The following RPS6KC1 variants were observed in gnomAD, a reference collection of about 807,000 sequenced individuals.
RPS6KC1 encodes the protein inactive ribosomal protein S6 kinase delta-1.
In RPS6KC1, 54 loss-of-function variants were observed where a neutral mutation model predicts 103.8. That is an observed-to-expected ratio of 0.52 (90% CI 0.42 to 0.65). The LOEUF is 0.65. Ranked by LOEUF, RPS6KC1 falls within the 30% of genes least tolerant of loss-of-function variation. The pLI, the probability that RPS6KC1 is intolerant of heterozygous loss-of-function variation, is 0.00. For synonymous variants in RPS6KC1, 439 were observed against 438.7 expected, an observed-to-expected ratio of 1.00 and a Z score of -0.01; for missense variants, 1,151 against 1,253.8, an observed-to-expected ratio of 0.92 and a Z score of 1.24.
chr1:213,408,587 C>T, the RPS6KC1 span, among the ~76,000 whole-genome samples: 17 of 152,266 alleles, frequency 1.1e-4, no homozygotes, highest in South Asian at 1.0e-3. Context: ...CTCAAGACTG[C>T]GGCACCAACT....
chr1:213,405,242 G>T, the RPS6KC1 span, among the ~76,000 whole-genome samples: 1 of 152,234 alleles, frequency 6.6e-6, no homozygotes, highest in South Asian at 2.1e-4. Context: ...TAGGCATTGG[G>T]ATACGGAGGA....
At chr1:213,214,082 G>A (rs1017738066) in intron 8 of RPS6KC1, among the ~76,000 whole-genome samples, 3 of 150,138 alleles carry the variant, frequency 2.0e-5, no homozygotes, top group Non-Finnish European at 4.4e-5. Context: ...GCGAGGCATC[G>A]CCTCACCTGG....
the RPS6KC1 span, among the ~76,000 whole-genome samples, chr1:213,354,229 G>A: frequency 6.6e-6 from 1 of 152,186 alleles, no homozygotes; most frequent in Non-Finnish European, 1.5e-5. Flanking sequence ...TCATGTAGAC[G>A]AAGCTCTTAG....
chr1:213,090,215 G>GT (rs1486154106), intron 3 of RPS6KC1, among the ~76,000 whole-genome samples: 1 of 152,208 alleles, frequency 6.6e-6, no homozygotes, highest in African/African-American at 2.4e-5. Context: ...AGTCTGAGGA[G>GT]TTTTAAGAAT....
At chr1:213,677,590 A>G in the RPS6KC1 span, among the ~76,000 whole-genome samples, 1 of 152,224 alleles carries the variant, frequency 6.6e-6, no homozygotes, top group Non-Finnish European at 1.5e-5. Flanking sequence ...AGAAAAACTG[A>G]ATGCACCCAA....
At chr1:213,294,852 T>C in the RPS6KC1 span, among the ~76,000 whole-genome samples, 2 of 152,340 alleles carry the variant, frequency 1.3e-5, no homozygotes. Flanking sequence ...TTCTTCTCCT[T>C]CTTTTCAAAA....
At chr1:213,660,625 A>G in the RPS6KC1 span, among the ~76,000 whole-genome samples, 2,194 of 150,556 alleles carry the variant, frequency 0.015, 63 homozygotes, top group African/African-American at 0.049. Flanking sequence ...AAAGTAATTC[A>G]AATACACCCA....
At chr1:213,606,649 G>C in the RPS6KC1 span, among the ~76,000 whole-genome samples, 2 of 152,204 alleles carry the variant, frequency 1.3e-5, no homozygotes, top group Admixed American at 6.5e-5. Flanking sequence ...GAGCCAAGCT[G>C]TTCTCAAGCT....
At chr1:213,835,437 A>G in the RPS6KC1 span, among the ~76,000 whole-genome samples, 7 of 152,196 alleles carry the variant, frequency 4.6e-5, no homozygotes, top group Non-Finnish European at 2.9e-5. Context: ...CCTAATGGCT[A>G]CGCTGGGGAT....
chr1:213,422,921 G>A, the RPS6KC1 span, among the ~76,000 whole-genome samples: 2 of 152,208 alleles, frequency 1.3e-5, no homozygotes, highest in Non-Finnish European at 2.9e-5. Flanking sequence ...GGTGACCCAG[G>A]ACACATTAGA....
chr1:213,363,853 T>C, the RPS6KC1 span, among the ~76,000 whole-genome samples: 1 of 145,630 alleles, frequency 6.9e-6, no homozygotes, highest in African/African-American at 2.6e-5. Flanking sequence ...CGTGAGGAGA[T>C]TGAGGGAGGG....
chr1:213,261,232 G>A (rs942966055), intron 12 of RPS6KC1, among the ~76,000 whole-genome samples: 12 of 151,926 alleles, frequency 7.9e-5, no homozygotes, highest in African/African-American at 2.4e-4. Flanking sequence ...AGGTAGAATT[G>A]GCTATACATT....
chr1:213,308,407 C>T, the RPS6KC1 span, among the ~76,000 whole-genome samples: 15 of 151,474 alleles, frequency 9.9e-5, no homozygotes, highest in Non-Finnish European at 2.2e-4. Flanking sequence ...TTTTCTTCTT[C>T]CTTATTATCT....
the RPS6KC1 span, among the ~76,000 whole-genome samples, chr1:213,658,506 C>T: frequency 1.3e-5 from 2 of 152,122 alleles, no homozygotes; most frequent in East Asian, 3.8e-4. Context: ...ATTTGATTAT[C>T]CAACTCAGTG....
intron 1 of RPS6KC1, among the ~76,000 whole-genome samples, chr1:213,061,143 G>T (rs1008888989): frequency 6.6e-6 from 1 of 152,100 alleles, no homozygotes; most frequent in Non-Finnish European, 1.5e-5. Context: ...ATTACCTCTG[G>T]AAGGCCTCAC....
chr1:213,787,923 G>C, the RPS6KC1 span, among the ~76,000 whole-genome samples: 10 of 152,228 alleles, frequency 6.6e-5, no homozygotes, highest in South Asian at 2.1e-3. Context: ...AATAATGAGG[G>C]AGTGGAGGCC....
chr1:213,157,589 T>G (rs907421171), intron 6 of RPS6KC1, among the ~76,000 whole-genome samples: 1 of 152,218 alleles, frequency 6.6e-6, no homozygotes, highest in Non-Finnish European at 1.5e-5. Flanking sequence ...TATTGAGACT[T>G]GTTTTGTGGC....
the RPS6KC1 span, among the ~76,000 whole-genome samples, chr1:213,847,411 T>G: frequency 6.6e-6 from 1 of 152,154 alleles, no homozygotes; most frequent in African/African-American, 2.4e-5. Flanking sequence ...AGGGACCAGA[T>G]TTAGTGGTGG....
chr1:213,763,148 T>G, the RPS6KC1 span, among the ~76,000 whole-genome samples: 1 of 152,176 alleles, frequency 6.6e-6, no homozygotes, highest in Non-Finnish European at 1.5e-5. Flanking sequence ...TGTGGGCCAC[T>G]GAGCCTGGCC....
Sources: allele counts gnomAD v4.1 joint callset (sites outside exome capture counted in the v4.1 genomes callset), GRCh38; gene constraint gnomAD v4.1.1; transcripts MANE v1.5; gene names NCBI Gene and HGNC (gene_info 2026-07-23, HGNC 2026-07-21).